Variants in ACSL3 observed in about 807,000 individuals in gnomAD.
The protein encoded by ACSL3 is acyl-CoA synthetase long chain family member 3, also known as fatty acid CoA ligase Acsl3.
ACSL3 carries 34 observed loss-of-function variants against 84.7 expected under a neutral mutation model. The observed-to-expected ratio is 0.40, with a 90% confidence interval of 0.31 to 0.53. The LOEUF (loss-of-function observed/expected upper bound fraction) is 0.53, where lower values mean the gene tolerates loss of function less well. Among genes scored for constraint, ACSL3 ranks in the 20% least tolerant of loss-of-function variants. ACSL3 has a pLI of 0.48. For synonymous variants in ACSL3, 315 were observed against 299.4 expected (o/e 1.05, Z -0.54); for missense variants, 680 against 873.1 (o/e 0.78, Z 2.79).
At chr2:222,880,195 C>G (rs1295685997) in intron 1 of ACSL3, among the ~76,000 whole-genome samples, 2 of 152,106 alleles carry the variant, frequency 1.3e-5, no homozygotes, top group Non-Finnish European at 2.9e-5. Context: ...TGCTGTTTCT[C>G]AAAGTTTTTT....
chr2:222,934,711 C>A (rs775487908), intron 16 of ACSL3, 24 bp downstream of exon 16: 1 of 1,598,862 alleles, frequency 6.3e-7, no homozygotes, highest in African/African-American at 1.3e-5. Context: ...TAAACTGATA[C>A]TAAAAACTGA....
At chr2:222,874,669 T>C (rs1695400278) in intron 1 of ACSL3, among the ~76,000 whole-genome samples, 1 of 151,074 alleles carries the variant, frequency 6.6e-6, no homozygotes, top group Non-Finnish European at 1.5e-5. Context: ...CAAGAGACCC[T>C]GTCTGAAAAA....
At chr2:222,903,531 A>G (rs1188881654) in intron 3 of ACSL3, among the ~76,000 whole-genome samples, 1 of 152,246 alleles carries the variant, frequency 6.6e-6, no homozygotes. Flanking sequence ...TTTTGATACT[A>G]TATAAATAAA....
At chr2:222,883,616 A>G (rs1695646433) in intron 1 of ACSL3, among the ~76,000 whole-genome samples, 2 of 152,214 alleles carry the variant, frequency 1.3e-5, no homozygotes, top group East Asian at 1.9e-4. Context: ...GAAGACTAGT[A>G]TTTATCAGCT....
chr2:222,898,915 A>G (rs746170372), intron 2 of ACSL3, among the ~76,000 whole-genome samples: 2 of 152,244 alleles, frequency 1.3e-5, no homozygotes, highest in Non-Finnish European at 2.9e-5. Context: ...TTAGCAAAGT[A>G]GTAGGCAAAT....
chr2:222,926,402 G>T (rs1696874149), intron 11 of ACSL3, among the ~76,000 whole-genome samples: 1 of 151,852 alleles, frequency 6.6e-6, no homozygotes, highest in South Asian at 2.1e-4. Context: ...CTTTTGCAAA[G>T]ATTTTTTTTT....
At position 222,898,654 on chromosome 2, in the gene ACSL3, T is replaced by A. The variant is rs1696054801; in HGVS notation, c.-147-2020T>A. The stretch of plus-strand genomic sequence containing the variant: ...CCGGCTAACACAGTGAAACCCTGTC[T>A]CTACTAAAGATACAAAAACAAAATT... On this transcript the variant is annotated intron_variant, in intron 2 of 16. Transcript: ENST00000357430. Among the ~76,000 whole-genome samples the A allele has an allele frequency of 2.6e-5, 4 of 152,270 alleles. No individual in the cohort carries two copies. The South Asian group carries it at 8.3e-4, about 32-fold the overall frequency.
chr2:222,868,743 TTGAGTCCAGCCTGGCCAATGTGGCA>T (rs1396825575), intron 1 of ACSL3, among the ~76,000 whole-genome samples: 2 of 152,212 alleles, frequency 1.3e-5, no homozygotes, highest in East Asian at 3.9e-4. Flanking sequence ...GGTCAGGAGT[TTGAGTCCAGCCTGGCCAATGTGGCA>T]TGAGTCCAGC....
At chr2:222,868,887 T>C (rs923454416) in intron 1 of ACSL3, among the ~76,000 whole-genome samples, 1 of 151,952 alleles carries the variant, frequency 6.6e-6, no homozygotes, top group African/African-American at 2.4e-5. Flanking sequence ...GGAGAATTGC[T>C]TGAACCTGGG....
intron 14 of ACSL3, 71 bp from the exon 15 acceptor site, chr2:222,933,095 T>C: frequency 2.3e-6 from 2 of 886,402 alleles, no homozygotes; most frequent in South Asian, 1.8e-5. Context: ...GGCCAGTATT[T>C]ATATATGTAT....
intron 1 of ACSL3, among the ~76,000 whole-genome samples, chr2:222,873,048 C>G (rs920898082): frequency 6.6e-6 from 1 of 152,134 alleles, no homozygotes; most frequent in Non-Finnish European, 1.5e-5. Context: ...CTTGACTGTG[C>G]CAACTAGTTA....
At chr2:222,884,612 T>C (rs540265223) in intron 1 of ACSL3, among the ~76,000 whole-genome samples, 1 of 152,340 alleles carries the variant, frequency 6.6e-6, no homozygotes, top group East Asian at 1.9e-4. Flanking sequence ...ATCTCCTTCA[T>C]GTGTGTCCAA....
chr2:222,863,200 A>G (rs1223857141), intron 1 of ACSL3, among the ~76,000 whole-genome samples: 1 of 152,234 alleles, frequency 6.6e-6, no homozygotes, highest in African/African-American at 2.4e-5. Context: ...CAAGTTTGAT[A>G]GGTACGATGA....
At chr2:222,912,833 G>A (rs73065518) in intron 4 of ACSL3, among the ~76,000 whole-genome samples, 1 of 152,248 alleles carries the variant, frequency 6.6e-6, no homozygotes, top group African/African-American at 2.4e-5. Flanking sequence ...TTGCTTGGCA[G>A]GCCTTTTCAG....
intron 12 of ACSL3, among the ~76,000 whole-genome samples, chr2:222,927,820 TACAAA>T (rs1387973033): frequency 6.6e-6 from 1 of 152,226 alleles, no homozygotes; most frequent in Non-Finnish European, 1.5e-5. Flanking sequence ...TACGGATAGA[TACAAA>T]ACCTCATGAC....
chr2:222,884,255 A>C (rs961718820), intron 1 of ACSL3, among the ~76,000 whole-genome samples: 1 of 152,202 alleles, frequency 6.6e-6, no homozygotes, highest in African/African-American at 2.4e-5. Flanking sequence ...CCCCCTGCTA[A>C]TAAAAGTTAG....
At chr2:222,862,395 T>A (rs140764720) in intron 1 of ACSL3, among the ~76,000 whole-genome samples, 2 of 152,336 alleles carry the variant, frequency 1.3e-5, no homozygotes, top group Non-Finnish European at 2.9e-5. Flanking sequence ...GGTGGCTGGC[T>A]GAATAGTTTC....
At chr2:222,914,025 A>G (rs1308360821) in intron 4 of ACSL3, among the ~76,000 whole-genome samples, 1 of 152,218 alleles carries the variant, frequency 6.6e-6, no homozygotes, top group Non-Finnish European at 1.5e-5. Context: ...TCCCCTCAGA[A>G]TAATTTTTTC....
chr2:222,862,849 C>G (rs577440173), intron 1 of ACSL3, among the ~76,000 whole-genome samples: 1 of 152,180 alleles, frequency 6.6e-6, no homozygotes, highest in East Asian at 1.9e-4. Context: ...TGACTTAAAG[C>G]TTAAATATTC....
Sources: allele counts gnomAD v4.1 joint callset (sites outside exome capture counted in the v4.1 genomes callset), GRCh38; gene constraint gnomAD v4.1.1; transcripts MANE v1.5; gene names NCBI Gene and HGNC (gene_info 2026-07-23, HGNC 2026-07-21).